The following PIN4 variants were observed in gnomAD, a reference collection of about 807,000 sequenced individuals.
PIN4 encodes peptidylprolyl cis/trans isomerase, NIMA-interacting 4.
In PIN4, 3 loss-of-function variants were observed where a neutral mutation model predicts 8.3. That is an observed-to-expected ratio of 0.36 (90% CI 0.16 to 0.93). PIN4 has a LOEUF of 0.93. Among genes scored for constraint, PIN4 ranks in the 40% least tolerant of loss-of-function variants. The pLI is 0.44. For missense variants in PIN4, 75 were observed against 100.6 expected, an observed-to-expected ratio of 0.75 and a Z score of 1.09; for synonymous variants, 18 against 32.5, an observed-to-expected ratio of 0.55 and a Z score of 1.52.
chrX:72,190,596 A>T (rs1395932161), intron 2 of PIN4, among the ~76,000 whole-genome samples: 1 of 111,779 alleles, frequency 8.9e-6, no homozygotes, highest in African/African-American at 3.3e-5. Context: ...TATGAGTATT[A>T]TATTTGCTTA....
intron 3 of PIN4, among the ~76,000 whole-genome samples, chrX:72,254,612 T>C (rs1209118742): frequency 8.9e-6 from 1 of 111,948 alleles, no homozygotes; most frequent in African/African-American, 3.2e-5. Flanking sequence ...GATCTCAGAT[T>C]TGGGGAGAGG....
intron 2 of PIN4, among the ~76,000 whole-genome samples, chrX:72,190,456 A>T (rs878989427): frequency 9.0e-6 from 1 of 111,424 alleles, no homozygotes; most frequent in Non-Finnish European, 1.9e-5. Context: ...CTATGCATCA[A>T]TAAAAAAGAA....
At chrX:72,213,807 T>C (rs974205579) in intron 3 of PIN4, among the ~76,000 whole-genome samples, 1 of 111,733 alleles carries the variant, frequency 8.9e-6, no homozygotes, top group African/African-American at 3.3e-5. Flanking sequence ...CAAGGTTCCA[T>C]TCCTTGGAAT....
chrX:72,240,480 T>C (rs1486242029), intron 3 of PIN4, among the ~76,000 whole-genome samples: 2 of 111,965 alleles, frequency 1.8e-5, no homozygotes, highest in African/African-American at 6.5e-5. Context: ...TTTTAAGCTT[T>C]TCATAAAATT....
chrX:72,210,566 C>G (rs2042848354), intron 3 of PIN4, among the ~76,000 whole-genome samples: 1 of 111,540 alleles, frequency 9.0e-6, no homozygotes, highest in Non-Finnish European at 1.9e-5. Context: ...CCTATGAAAC[C>G]TGGGGTTCTG....
At chrX:72,236,436 C>T (rs1292196121) in intron 3 of PIN4, among the ~76,000 whole-genome samples, 1 of 111,424 alleles carries the variant, frequency 9.0e-6, no homozygotes, top group Non-Finnish European at 1.9e-5. Context: ...GCTGGGATTA[C>T]AGGTGCCCGC....
chrX:72,254,047 A>G (rs934083212), intron 3 of PIN4, among the ~76,000 whole-genome samples: 1 of 112,331 alleles, frequency 8.9e-6, no homozygotes, highest in Non-Finnish European at 1.9e-5. Flanking sequence ...CTTTCAAGAA[A>G]CACATAAAGC....
chrX:72,234,052 G>A (rs1342538140), intron 3 of PIN4, among the ~76,000 whole-genome samples: 1 of 110,137 alleles, frequency 9.1e-6, no homozygotes, highest in Non-Finnish European at 1.9e-5. Context: ...AGAGGTTGCA[G>A]TGAGCTGAGA....
chrX:72,258,552 A>T (rs1260649801), intron 3 of PIN4, among the ~76,000 whole-genome samples: 8 of 111,185 alleles, frequency 7.2e-5, no homozygotes, highest in Non-Finnish European at 1.5e-4. Flanking sequence ...AATCCCCTTT[A>T]TATGGGACTG....
chrX:72,244,906 C>T (rs923148059), intron 3 of PIN4, among the ~76,000 whole-genome samples: 14 of 106,165 alleles, frequency 1.3e-4, no homozygotes, highest in Non-Finnish European at 2.5e-4. Context: ...CATGATTCAT[C>T]AGACAAAAAA....
At chrX:72,206,480 TATG>T in intron 3 of PIN4, 1 of 1,211,111 alleles carries the variant, frequency 8.3e-7, no homozygotes, top group Admixed American at 2.2e-5. Context: ...TCTTCCTGAG[TATG>T]ATGAGTACTT....
At chrX:72,262,685 T>C (rs761129950) in intron 3 of PIN4, 10 of 1,055,042 alleles carry the variant, frequency 9.5e-6, no homozygotes, top group African/African-American at 9.3e-5. Flanking sequence ...ATTGACATTA[T>C]CACTTTCTTT....
At chrX:72,207,455 C>T in intron 3 of PIN4, 1 of 1,211,069 alleles carries the variant, frequency 8.3e-7, no homozygotes, top group East Asian at 3.0e-5. Context: ...GAATCTTCCC[C>T]CTCATTTCCA....
intron 3 of PIN4, among the ~76,000 whole-genome samples, chrX:72,233,220 A>G (rs1030518457): frequency 1.8e-5 from 2 of 111,847 alleles, no homozygotes; most frequent in African/African-American, 6.5e-5. Context: ...TTCATGCCAA[A>G]AATATTGAAG....
At chrX:72,261,682 G>T (rs1321890113) in intron 3 of PIN4, among the ~76,000 whole-genome samples, 3 of 111,972 alleles carry the variant, frequency 2.7e-5, no homozygotes, top group Non-Finnish European at 5.6e-5. Flanking sequence ...ATTAGACCTG[G>T]TTATTATAAA....
intron 3 of PIN4, chrX:72,208,625 T>C: frequency 4.1e-6 from 5 of 1,211,611 alleles, no homozygotes; most frequent in Non-Finnish European, 5.6e-6. Flanking sequence ...AAAATGTCCT[T>C]TGCCAAATTG....
At chrX:72,212,788 A>G (rs996865935) in intron 3 of PIN4, among the ~76,000 whole-genome samples, 1 of 111,065 alleles carries the variant, frequency 9.0e-6, no homozygotes, top group Non-Finnish European at 1.9e-5. Context: ...CAAAAAATAG[A>G]AAAAAAATTA....
chrX:72,262,687 A>G (rs895213252), intron 3 of PIN4: 4 of 1,063,137 alleles, frequency 3.8e-6, no homozygotes, highest in Non-Finnish European at 5.1e-6. Context: ...TGACATTATC[A>G]CTTTCTTTAT....
chrX:72,214,413 G>A (rs1372223775), intron 3 of PIN4, among the ~76,000 whole-genome samples: 1 of 111,744 alleles, frequency 8.9e-6, no homozygotes, highest in Non-Finnish European at 1.9e-5. Flanking sequence ...CCAAAAACTG[G>A]AAACAACCCC....
Sources: gnomAD v4.1 joint callset for allele counts (sites outside exome capture counted in the v4.1 genomes callset) on GRCh38, gnomAD v4.1.1 for gene constraint, MANE v1.5 for transcripts, NCBI Gene and HGNC (gene_info 2026-07-23, HGNC 2026-07-21) for gene names.